CRY2: variants seen among roughly 807,000 people sequenced by gnomAD.
The protein encoded by CRY2 is cryptochrome circadian regulator 2.
CRY2 carries 31 observed loss-of-function variants against 69.5 expected under a neutral mutation model. That is an observed-to-expected ratio of 0.45 (90% CI 0.34 to 0.60). The LOEUF (loss-of-function observed/expected upper bound fraction) is 0.60. Among genes scored for constraint, CRY2 ranks in the 20% least tolerant of loss-of-function variants. CRY2 has a pLI of 0.02. For missense variants in CRY2, 606 were observed against 797.8 expected, an observed-to-expected ratio of 0.76 and a Z score of 2.90; for synonymous variants, 303 against 312.2, an observed-to-expected ratio of 0.97 and a Z score of 0.31.
chr11:45,872,352 C>T (rs2086392397), intron 11 of CRY2, 119 bp downstream of exon 11: 3 of 890,780 alleles, frequency 3.4e-6, no homozygotes, highest in African/African-American at 1.7e-5. Flanking sequence ...TGGGACCACC[C>T]AATGCTCAGC....
At chr11:45,855,880 C>T in intron 1 of CRY2, 102 bp from the exon 2 acceptor site, 1 of 985,528 alleles carries the variant, frequency 1.0e-6, no homozygotes, top group Admixed American at 1.8e-5. Context: ...CATGAGGCTG[C>T]CTGTTGGGCA....
rs946693051 is a variant in CRY2 at position 45,851,185 on chromosome 11, T to G, written c.215+3480T>G. ...AGTTCCTAGATTTTAAAATGACCTC[T>G]GTGGTTTTTCATTACCTTTCTCTCC... On this transcript the variant is annotated intron_variant, in intron 1 of 11. Transcript: ENST00000616080. Among the ~76,000 whole-genome samples the G allele has an allele frequency of 3.3e-5, 5 of 152,194 alleles. 1 individual carries two copies.
intron 4 of CRY2, chr11:45,861,675 C>T (rs555681821): frequency 9.2e-5 from 20 of 217,380 alleles, no homozygotes; most frequent in South Asian, 6.7e-4. Flanking sequence ...CTGGTGACCT[C>T]GAGTGATCCA....
chr11:45,867,663 G>C lies in CRY2; in HGVS notation c.793G>C (p.Ala265Pro). ...RPRMNANSLL[A>P]SPTGLSPYLR... ...CCGAATGAACGCCAACTCCCTCCTG[G>C]CCAGCCCCACAGGCCTCAGCCCCTA... The change falls in exon 6 of 12, where the codon GCC becomes CCC. Residue 265 changes from alanine (A) to proline (P), a missense_variant. By Grantham distance (27) the Ala-to-Pro change is conservative (BLOSUM62 -1). This residue lies in a region of CRY2 where 382 missense variants were observed against 508.9 expected (regional missense o/e 0.75). Coordinates refer to ENST00000616080, the MANE Select transcript of CRY2 (RefSeq NM_021117.5). 4.3e-6 allele frequency: 7 copies of C among 1,614,204 alleles called. No homozygotes were observed. Among genetic ancestry groups the C allele is most frequent in the Non-Finnish European group, 5.9e-6 (7 of 1,180,044 alleles).
At chr11:45,849,725 A>C (rs2086181387) in intron 1 of CRY2, among the ~76,000 whole-genome samples, 1 of 151,804 alleles carries the variant, frequency 6.6e-6, no homozygotes, top group African/African-American at 2.4e-5. Context: ...GGTTCAAGCA[A>C]TTCTCCTGCC....
intron 5 of CRY2, 113 bp from the exon 6 acceptor site, chr11:45,867,499 C>T: frequency 7.2e-7 from 1 of 1,394,492 alleles, no homozygotes; most frequent in Non-Finnish European, 9.9e-7. Context: ...TTCCATGGCT[C>T]CATGGCTGGC....
chr11:45,857,293 C>A (rs998528360), intron 2 of CRY2, among the ~76,000 whole-genome samples: 1 of 152,096 alleles, frequency 6.6e-6, no homozygotes, highest in African/African-American at 2.4e-5. Context: ...TACTGCTATC[C>A]CGATTTACAG....
At chr11:45,878,160 T>G (rs2086438247) in intron 11 of CRY2, among the ~76,000 whole-genome samples, 2 of 152,236 alleles carry the variant, frequency 1.3e-5, no homozygotes, top group Non-Finnish European at 2.9e-5. Flanking sequence ...CGATGGAGGA[T>G]GGAACCCATA....
intron 11 of CRY2, among the ~76,000 whole-genome samples, chr11:45,879,656 C>T (rs1032813964): frequency 1.3e-5 from 2 of 152,222 alleles, no homozygotes; most frequent in Admixed American, 6.5e-5. Flanking sequence ...TCCTTCTCCT[C>T]TCTGGTTTCT....
chr11:45,861,255 T>G, intron 4 of CRY2: 1 of 528,324 alleles, frequency 1.9e-6, no homozygotes, highest in Non-Finnish European at 3.3e-6. Flanking sequence ...TGTAATCTTC[T>G]GTTTCTGGTT....
chr11:45,872,059 G>A (rs2086387614), intron 10 of CRY2, 33 bp from the exon 11 acceptor site: 2 of 1,611,666 alleles, frequency 1.2e-6, no homozygotes, highest in South Asian at 1.1e-5. Context: ...TGCATGCACA[G>A]TCTGTGTGAC....
rs750109174 is a variant in CRY2 at position 45,858,747 on chromosome 11, G to A, written c.341G>A (p.Arg114His). Reference protein sequence around the residue: ...PRLFKEWGVTRLTFEYDSEPF... With the variant: ...PRLFKEWGVTHLTFEYDSEPF... Reference sequence around the variant, plus strand: ...TCCCCACAGGAATGGGGAGTGACCCGCTTGACCTTTGAATATGACTCTGAA... The same window carrying A: ...TCCCCACAGGAATGGGGAGTGACCCACTTGACCTTTGAATATGACTCTGAA... Residue 114 changes from arginine (R) to histidine (H), a missense_variant, in exon 3 of 12, where the codon CGC becomes CAC. Arg to His is a conservative substitution (Grantham distance 29, BLOSUM62 0). Coordinates refer to ENST00000616080, the MANE Select transcript of CRY2 (RefSeq NM_021117.5). The A allele has an allele frequency of 1.2e-6, 2 of 1,613,954 alleles. No homozygotes were observed. The highest frequency in any genetic ancestry group is 1.7e-6 in the Non-Finnish European group (2 of 1,179,930).
intron 10 of CRY2, among the ~76,000 whole-genome samples, chr11:45,871,546 C>T (rs542718635): frequency 1.8e-4 from 27 of 152,222 alleles, no homozygotes; most frequent in African/African-American, 6.5e-4. Flanking sequence ...TAGGCCGGAG[C>T]GGGCACAGGG....
chr11:45,856,364 C>G (rs2086239077), intron 2 of CRY2: 1 of 358,662 alleles, frequency 2.8e-6, no homozygotes, highest in South Asian at 4.6e-5. Context: ...ACTCTGGATG[C>G]CACTGGCTTC....
At chr11:45,854,458 C>A (rs138924205) in intron 1 of CRY2, among the ~76,000 whole-genome samples, 9 of 152,190 alleles carry the variant, frequency 5.9e-5, no homozygotes, top group Admixed American at 2.0e-4. Flanking sequence ...CTGAGGAGGG[C>A]GGATCACTTG....
In CRY2 at chr11:45,882,057, C is replaced by T. The variant is rs1207641257; in HGVS notation, c.*1146C>T. On this transcript the variant is annotated 3_prime_UTR_variant, in exon 12 of 12. Transcript: ENST00000616080. ...GGCAAAAGTCCAAGTAGAGATTACA[C>T]CCAGAACACCATTCCTTCCAGGAGC... 1 of 152,306 alleles carries T rather than the reference C, an allele frequency of 6.6e-6. No homozygotes were observed. The highest frequency in any genetic ancestry group is 2.4e-5 in the African/African-American group (1 of 41,464). The allele number at this position is 152,306 out of a possible 1,614,324, so 9.4% of individuals were successfully genotyped here.
chr11:45,861,822 G>A lies in CRY2; in HGVS notation c.653-238G>A, dbSNP rs867082958. On this transcript the variant is annotated intron_variant, in intron 4 of 11. Transcript: ENST00000616080. ...GCTAATCTGAAAAGGCAGGAGGTCC[G>A]GGATTGTTGTCATCTACCTGGAGCG... is the stretch of plus-strand genomic sequence containing the variant. 20 of 482,632 alleles carry A rather than the reference G, an allele frequency of 4.1e-5. 1 individual carries two copies. Among genetic ancestry groups the A allele is most frequent in the South Asian group, 2.0e-4 (8 of 39,160 alleles). 29.9% of individuals were successfully genotyped at this position (482,632 alleles called of 1,614,324 possible).
chr11:45,861,454 C>A, intron 4 of CRY2: 1 of 163,210 alleles, frequency 6.1e-6, no homozygotes, highest in Non-Finnish European at 1.3e-5. Context: ...TTTTTTTTTT[C>A]TTTTTTAGAC....
At chr11:45,872,309 G>A in intron 11 of CRY2, 76 bp downstream of exon 11, 3 of 1,368,064 alleles carry the variant, frequency 2.2e-6, no homozygotes, top group Non-Finnish European at 3.1e-6. Context: ...GCCAGCTGCA[G>A]GTTGAAACAT....
Sources: allele counts gnomAD v4.1 joint callset (sites outside exome capture counted in the v4.1 genomes callset), GRCh38; gene constraint gnomAD v4.1.1; regional missense constraint gnomAD v4.1.1; transcripts MANE v1.5; gene names NCBI Gene and HGNC (gene_info 2026-07-23, HGNC 2026-07-21).